The following WARS2 variants were observed in gnomAD, a reference collection of about 807,000 sequenced individuals.
WARS2 encodes tryptophanyl tRNA synthetase 2, mitochondrial.
Under a neutral mutation model 36.5 loss-of-function variants are expected in WARS2, and 28 were observed. The observed-to-expected ratio is 0.77, with a 90% CI of 0.57 to 1.05. The LOEUF is 1.05. WARS2 is among the 50% of genes least tolerant of loss of function. The pLI, the probability that WARS2 is intolerant of heterozygous loss-of-function variation, is 0.00. For synonymous variants in WARS2, 174 were observed against 178.4 expected (o/e 0.98, Z 0.20); for missense variants, 435 against 456.8 (o/e 0.95, Z 0.44).
intron 2 of WARS2, among the ~76,000 whole-genome samples, chr1:119,048,839 G>A (rs1571273494): frequency 6.6e-6 from 1 of 152,152 alleles, no homozygotes; most frequent in Non-Finnish European, 1.5e-5. Context: ...CGAGGTGGGC[G>A]GATTACCTGA....
intron 2 of WARS2, among the ~76,000 whole-genome samples, chr1:119,073,446 C>G (rs1651485398): frequency 6.6e-6 from 1 of 152,076 alleles, no homozygotes; most frequent in Non-Finnish European, 1.5e-5. Context: ...TTTCATATTG[C>G]CTTTGTGAGA....
chr1:119,045,597 ATGT>A lies in WARS2; in HGVS notation c.411_413del (p.Gln137del), dbSNP rs1171393796. 1 of 1,594,246 alleles carries A rather than the reference ATGT, an allele frequency of 6.3e-7. No individual in the cohort carries two copies. Among genetic ancestry groups the A allele is most frequent in the Non-Finnish European group, 8.6e-7 (1 of 1,166,960 alleles). On this transcript the variant is annotated inframe_deletion, in exon 3 of 6. Transcript: ENST00000235521. ...TGGCATTTACCTTCCACTGATGTAA[ATGT>A]TGTAATCGAGGTAGTCTGACCATGC...
chr1:119,101,810 A>G (rs1653886828), intron 1 of WARS2, among the ~76,000 whole-genome samples: 1 of 152,132 alleles, frequency 6.6e-6, no homozygotes, highest in Non-Finnish European at 1.5e-5. Flanking sequence ...GAAACCACAA[A>G]TATTCCAGAG....
At chr1:119,134,548 C>T (rs1222897004) in intron 1 of WARS2, among the ~76,000 whole-genome samples, 1 of 152,050 alleles carries the variant, frequency 6.6e-6, no homozygotes, top group Non-Finnish European at 1.5e-5. Flanking sequence ...TATAAATGAC[C>T]TTGCTATGCT....
At chr1:119,082,385 T>G (rs1652265533) in intron 1 of WARS2, 1 of 985,318 alleles carries the variant, frequency 1.0e-6, no homozygotes, top group South Asian at 4.7e-5. Flanking sequence ...TGTATTTTCC[T>G]TCTTGTGATG....
chr1:119,095,317 C>G (rs957370571), intron 1 of WARS2, among the ~76,000 whole-genome samples: 3 of 152,196 alleles, frequency 2.0e-5, no homozygotes, highest in Admixed American at 6.5e-5. Flanking sequence ...GTAGTTTAGT[C>G]TCTCAATATT....
intron 1 of WARS2, among the ~76,000 whole-genome samples, chr1:119,095,500 C>G (rs587630068): frequency 1.6e-4 from 25 of 151,976 alleles, no homozygotes; most frequent in Non-Finnish European, 2.2e-4. Flanking sequence ...CGGCTCACTG[C>G]AACCTCCACA....
At chr1:119,081,570 T>C (rs947791344) in intron 1 of WARS2, among the ~76,000 whole-genome samples, 1 of 152,198 alleles carries the variant, frequency 6.6e-6, no homozygotes, top group Admixed American at 6.5e-5. Context: ...TTATCACAGA[T>C]TGTAATAAAA....
chr1:119,114,582 A>G (rs1654848743), intron 1 of WARS2, among the ~76,000 whole-genome samples: 1 of 152,186 alleles, frequency 6.6e-6, no homozygotes, highest in Non-Finnish European at 1.5e-5. Flanking sequence ...ACAACTTAGC[A>G]AGGCTTCTTC....
intron 1 of WARS2, chr1:119,126,729 T>C (rs1334022229): frequency 1.4e-6 from 1 of 733,238 alleles, no homozygotes; most frequent in Non-Finnish European, 2.5e-6. Flanking sequence ...ATAAATAGAT[T>C]GGCAAGCCTT....
In WARS2 at chr1:119,131,458, G is replaced by GTTT. The variant is rs761800862; in HGVS notation, c.90+9094_90+9096dup. ...GGATCCGGACTGTGCAAAGTTTTTT[G>GTTT]TTTTTTGTTTTTTTTTTTTTTGAGA... On this transcript the variant is annotated intron_variant, in intron 1 of 5. Transcript: ENST00000235521. Among the ~76,000 whole-genome samples the GTTT allele has an allele frequency of 3.2e-3, 432 of 134,210 alleles. 25 individuals carry two copies. Among genetic ancestry groups the GTTT allele is most frequent in the African/African-American group, 4.9e-3 (167 of 34,102 alleles). 88.0% of individuals were successfully genotyped at this position (134,210 alleles called of 152,430 possible). A position where few individuals can be genotyped will look rare whatever the true frequency, so the allele number is the denominator to read the frequency against.
At chr1:119,054,138 CTA>C (rs1306214399) in intron 2 of WARS2, among the ~76,000 whole-genome samples, 4 of 150,214 alleles carry the variant, frequency 2.7e-5, no homozygotes, top group African/African-American at 9.7e-5. Context: ...AAAACAATAA[CTA>C]TTATTATTAA....
intron 2 of WARS2, chr1:119,063,994 G>A (rs1650619744): frequency 6.6e-6 from 1 of 152,404 alleles, no homozygotes; most frequent in East Asian, 1.9e-4. Flanking sequence ...CCCACCGACA[G>A]CTTGCACCGT....
intron 1 of WARS2, among the ~76,000 whole-genome samples, chr1:119,104,666 C>T (rs1442626159): frequency 6.7e-6 from 1 of 150,116 alleles, no homozygotes; most frequent in Non-Finnish European, 1.5e-5. Context: ...TGGAGAATTC[C>T]CTACTTTAGA....
intron 1 of WARS2, among the ~76,000 whole-genome samples, chr1:119,087,367 A>G (rs1485470406): frequency 6.6e-6 from 1 of 152,198 alleles, no homozygotes. Flanking sequence ...AATAACTATA[A>G]AGAAAATAAG....
At chr1:119,118,001 A>G (rs587715275) in intron 1 of WARS2, among the ~76,000 whole-genome samples, 4 of 152,292 alleles carry the variant, frequency 2.6e-5, no homozygotes, top group South Asian at 2.1e-4. Context: ...AAGTAATTCT[A>G]GTAATGTGAC....
At chr1:119,112,718 G>A (rs1654725917) in intron 1 of WARS2, among the ~76,000 whole-genome samples, 1 of 152,198 alleles carries the variant, frequency 6.6e-6, no homozygotes, top group African/African-American at 2.4e-5. Context: ...GTTTCAGAGA[G>A]TGGGGCAAGC....
intron 1 of WARS2, chr1:119,085,326 T>G: frequency 2.3e-6 from 3 of 1,300,114 alleles, no homozygotes; most frequent in Non-Finnish European, 2.2e-6. Flanking sequence ...CACTGACTTC[T>G]GAGCTCTCTC....
chr1:119,082,185 A>G (rs1328415422), intron 1 of WARS2, among the ~76,000 whole-genome samples: 1 of 152,246 alleles, frequency 6.6e-6, no homozygotes, highest in African/African-American at 2.4e-5. Flanking sequence ...CCTTAAGGGC[A>G]TAAATGATAA....
Sources: gnomAD v4.1 joint callset for allele counts (sites outside exome capture counted in the v4.1 genomes callset) on GRCh38, gnomAD v4.1.1 for gene constraint, MANE v1.5 for transcripts, NCBI Gene and HGNC (gene_info 2026-07-23, HGNC 2026-07-21) for gene names.